The following PLXND1 variants were observed in gnomAD, a reference collection of about 807,000 sequenced individuals.
PLXND1 encodes the protein plexin-D1.
PLXND1 carries 54 observed loss-of-function variants against 197.7 expected under a neutral mutation model. That is an observed-to-expected ratio of 0.27 (90% CI 0.22 to 0.34). The LOEUF (loss-of-function observed/expected upper bound fraction) is 0.34, where lower values mean the gene tolerates loss of function less well. Ranked by LOEUF, PLXND1 falls within the 10% of genes least tolerant of loss-of-function variation. The probability of loss-of-function intolerance (pLI) is 1.00; values close to 1 mark genes in which losing one functional copy is unlikely to be tolerated. For synonymous variants in PLXND1, 1,180 were observed against 1,161.2 expected (o/e 1.02, Z -0.33); for missense variants, 2,127 against 2,699.2 (o/e 0.79, Z 4.70).
intron 9 of PLXND1, 25 bp from the exon 10 acceptor site, chr3:129,575,880 C>T (rs146146633): frequency 0.013 from 19,448 of 1,485,502 alleles, 169 homozygotes; most frequent in Non-Finnish European, 0.016. Context: ...GAGTGGGAGG[C>T]GGGTTTGAGG....
At chr3:129,559,447 A>G in intron 32 of PLXND1, 173 bp downstream of exon 32, 1 of 578,810 alleles carries the variant, frequency 1.7e-6, no homozygotes, top group Admixed American at 2.8e-5. Flanking sequence ...TTTACAGTGG[A>G]GGGGAAACTG....
Position 129,558,656 on chromosome 3 carries a change from G to A in PLXND1, c.5298-81C>T, listed in dbSNP as rs950573243. ...GGGACAGTTGTGGAGGAGAGAGCTG[G>A]CTTTGTCCCTCAAGGGCCTGAGGTT... On this transcript the variant is annotated intron_variant, in intron 32 of 35. Transcript: ENST00000324093. The surrounding 1 kb of genome is among the most constrained non-coding windows in gnomAD (Gnocchi z 4.1). The A allele has an allele frequency of 4.3e-6, 6 of 1,407,628 alleles. No individual in the cohort carries two copies. The highest frequency in any genetic ancestry group is 5.9e-6 in the Non-Finnish European group (6 of 1,013,318). The allele number at this position is 1,407,628 out of a possible 1,614,324, so 87.2% of individuals were successfully genotyped here. A position where few individuals can be genotyped will look rare whatever the true frequency, so the allele number is the denominator to read the frequency against.
At chr3:129,560,502 C>T (rs563023059) in intron 30 of PLXND1, 68 bp from the exon 31 acceptor site, 1 of 1,130,132 alleles carries the variant, frequency 8.8e-7, no homozygotes, top group South Asian at 1.3e-5. Flanking sequence ...GGAGGTCTGG[C>T]TCTGCCATGC....
chr3:129,586,156 T>C lies in PLXND1; in HGVS notation c.1721+16A>G. ...ACAGCCCTCCTGGTCCAGCTGTTGC[T>C]GGTGTCCAGCCTCACCGCGTCTCCA... is the stretch of plus-strand genomic sequence containing the variant. On this transcript the variant is annotated intron_variant, in intron 4 of 35. Transcript: ENST00000324093. 1 of 1,610,088 alleles carries C rather than the reference T, an allele frequency of 6.2e-7. No homozygotes were observed. Among genetic ancestry groups the C allele is most frequent in the Non-Finnish European group, 8.5e-7 (1 of 1,178,832 alleles).
intron 8 of PLXND1, among the ~76,000 whole-genome samples, chr3:129,582,670 G>A (rs1416372933): frequency 6.6e-6 from 1 of 152,224 alleles, no homozygotes; most frequent in East Asian, 1.9e-4. Context: ...TGGCCTTAGA[G>A]GCTTCCTGGG....
intron 1 of PLXND1, among the ~76,000 whole-genome samples, chr3:129,605,039 TG>T (rs1396036373): frequency 6.6e-6 from 1 of 152,200 alleles, no homozygotes; most frequent in African/African-American, 2.4e-5. Context: ...TATGCGCACC[TG>T]GGTACCTGTG....
In PLXND1 at chr3:129,562,891, G is replaced by A; in HGVS notation, c.4721C>T (p.Ala1574Val). The change falls in exon 27 of 36, where the codon GCC becomes GTC. Residue 1574 changes from alanine to valine, a missense_variant. By Grantham distance (64) the Ala-to-Val change is moderately conservative. This residue lies in a region of PLXND1 where 532 missense variants were observed against 811.0 expected (regional missense o/e 0.66). Coordinates refer to ENST00000324093, the MANE Select transcript of PLXND1 (RefSeq NM_015103.3). ...CTGTGTCAGCGTGTCGGTGTCCATG[G>A]CCCGCACGCTCAGCGAGTCCATGCC... ...GCGMDSLSVR[A>V]MDTDTLTQVK... 1 of 1,610,438 alleles carries A rather than the reference G, an allele frequency of 6.2e-7. No individual in the cohort carries two copies. Among genetic ancestry groups the A allele is most frequent in the Non-Finnish European group, 8.5e-7 (1 of 1,176,936 alleles).
intron 8 of PLXND1, among the ~76,000 whole-genome samples, chr3:129,580,259 C>A (rs2108784767): frequency 6.6e-6 from 1 of 152,246 alleles, no homozygotes; most frequent in South Asian, 2.1e-4. Context: ...AGCAGCATAG[C>A]CAGGCCCGGG....
In PLXND1 at chr3:129,559,886, T is replaced by C. The variant is rs2085032633; in HGVS notation, c.5134-103A>G. ...GAGCTTGAAATGCCAGGCTGCTGAA[T>C]GAGGAAGCCACATGGCATCAGGCTG... On this transcript the variant is annotated intron_variant, in intron 31 of 35. Transcript: ENST00000324093. 6.7e-5 allele frequency: 68 copies of C among 1,022,230 alleles called. No individual in the cohort carries two copies. The Middle Eastern group carries it at 1.3e-3, about 19-fold the overall frequency. 63.3% of individuals were successfully genotyped at this position (1,022,230 alleles called of 1,614,324 possible). A position where few individuals can be genotyped will look rare whatever the true frequency, so the allele number is the denominator to read the frequency against.
intron 8 of PLXND1, among the ~76,000 whole-genome samples, chr3:129,581,044 A>G (rs2085380534): frequency 6.6e-6 from 1 of 152,030 alleles, no homozygotes; most frequent in Admixed American, 6.5e-5. Flanking sequence ...CACTTTGCAC[A>G]TCTTTCACGC....
chr3:129,575,167 C>T (rs959998668), intron 11 of PLXND1, among the ~76,000 whole-genome samples: 2 of 152,234 alleles, frequency 1.3e-5, no homozygotes, highest in African/African-American at 2.4e-5. Flanking sequence ...CCAGATGCCA[C>T]GCTCAAGGTT....
chr3:129,580,493 C>T (rs1028251988), intron 8 of PLXND1, among the ~76,000 whole-genome samples: 1 of 152,120 alleles, frequency 6.6e-6, no homozygotes, highest in African/African-American at 2.4e-5. Flanking sequence ...CTGGCTGGGG[C>T]CCAGCCTCTG....
chr3:129,570,725 C>A (rs1388673444), intron 19 of PLXND1, 61 bp downstream of exon 19: 2 of 1,547,666 alleles, frequency 1.3e-6, no homozygotes, highest in Non-Finnish European at 1.8e-6. Context: ...GGGGCAGATG[C>A]TTGGCAGATG....
Position 129,558,477 on chromosome 3 carries a change from G to T in PLXND1, c.5396C>A (p.Ala1799Glu). 1 of 1,613,874 alleles carries T rather than the reference G, an allele frequency of 6.2e-7. No individual in the cohort carries two copies. Among genetic ancestry groups the T allele is most frequent in the South Asian group, 1.1e-5 (1 of 91,080 alleles). The change falls in exon 33 of 36, where the codon GCG becomes GAG. Residue 1799 changes from alanine (A) to glutamate (E), a missense_variant. Physicochemically the swap from Ala to Glu is moderately radical, Grantham distance 107. This residue lies in a region of PLXND1 where 200 missense variants were observed against 303.3 expected (regional missense o/e 0.66). Transcript: ENST00000324093. The surrounding 1 kb of genome is among the most constrained non-coding windows in gnomAD (Gnocchi z 4.1). The part of the protein sequence containing the change: ...DHIDACLSVI[A>E]QAFIDACSIS... ...GGAGCAGGCGTCGATGAAGGCCTGC[G>T]CGATGACTGAAAGGCAGGCGTCGAT...
chr3:129,590,041 C>A (rs566704900), intron 1 of PLXND1, among the ~76,000 whole-genome samples: 1 of 152,260 alleles, frequency 6.6e-6, no homozygotes, highest in East Asian at 1.9e-4. Flanking sequence ...TTCCTCCTGC[C>A]GGGTGTCTGC....
At position 129,605,524 on chromosome 3, in the gene PLXND1, G is replaced by C. The variant is rs1325715967; in HGVS notation, c.1116C>G (p.Phe372Leu). ...CCGCGGGGGACCCCTGGGGCCGCTCGAAGACAGCAAAGAGCCGCTCCCGGG... is the reference window on the plus strand; with the variant it reads ...CCGCGGGGGACCCCTGGGGCCGCTCCAAGACAGCAAAGAGCCGCTCCCGGG... ...FPARERLFAV[F>L]ERPQGSPAAR... is the part of the protein sequence containing the mutation. Residue 372 changes from phenylalanine to leucine, a missense_variant, in exon 1 of 36, where the codon TTC becomes TTG. Coordinates refer to ENST00000324093, the MANE Select transcript of PLXND1 (RefSeq NM_015103.3). 2.0e-6 allele frequency: 3 copies of C among 1,518,174 alleles called. No individual in the cohort carries two copies. The highest frequency in any genetic ancestry group is 1.8e-4 in the Middle Eastern group (1 of 5,630). 94.0% of individuals were successfully genotyped at this position (1,518,174 alleles called of 1,614,324 possible).
intron 21 of PLXND1, 34 bp downstream of exon 21, chr3:129,567,664 T>C (rs751548914): frequency 6.3e-7 from 1 of 1,580,084 alleles, no homozygotes; most frequent in East Asian, 2.2e-5. Context: ...GAGGGAAAGT[T>C]GAGGCCCAGC....
intron 2 of PLXND1, among the ~76,000 whole-genome samples, chr3:129,587,678 T>C (rs1312787409): frequency 6.6e-6 from 1 of 152,204 alleles, no homozygotes; most frequent in Non-Finnish European, 1.5e-5. Context: ...AATGAACCTG[T>C]TCTGGCACTC....
intron 1 of PLXND1, among the ~76,000 whole-genome samples, chr3:129,602,587 C>T (rs1279231570): frequency 6.6e-6 from 1 of 152,206 alleles, no homozygotes; most frequent in Non-Finnish European, 1.5e-5. Flanking sequence ...CCCCAGGGCA[C>T]AGCATGGGAC....
Sources: allele counts gnomAD v4.1 joint callset (sites outside exome capture counted in the v4.1 genomes callset), GRCh38; gene constraint gnomAD v4.1.1; regional missense constraint gnomAD v4.1.1; non-coding constraint Gnocchi (gnomAD v3.1); transcripts MANE v1.5; gene names NCBI Gene and HGNC (gene_info 2026-07-23, HGNC 2026-07-21).